PACS1: variants seen among roughly 807,000 people sequenced by gnomAD.
PACS1 encodes phosphofurin acidic cluster sorting protein 1.
A neutral mutation model predicts 115.0 loss-of-function variants in PACS1; 24 were observed. The observed-to-expected ratio is 0.21, with a 90% CI of 0.15 to 0.29. The LOEUF (loss-of-function observed/expected upper bound fraction) is 0.29, where lower values mean the gene tolerates loss of function less well. Among genes scored for constraint, PACS1 ranks in the 10% least tolerant of loss-of-function variants. The pLI is 1.00. For synonymous variants in PACS1, 453 were observed against 504.5 expected (o/e 0.90, Z 1.37); for missense variants, 838 against 1,251.2 (o/e 0.67, Z 4.98).
At chr11:66,087,840 A>G (rs1455739097) in intron 1 of PACS1, among the ~76,000 whole-genome samples, 1 of 152,166 alleles carries the variant, frequency 6.6e-6, no homozygotes, top group African/African-American at 2.4e-5. Context: ...TGGACAGTAT[A>G]TTCAGCTGAG....
At chr11:66,090,005 CAAAA>C (rs33912143) in intron 1 of PACS1, among the ~76,000 whole-genome samples, 1 of 80,596 alleles carries the variant, frequency 1.2e-5, no homozygotes, top group African/African-American at 5.1e-5. Context: ...GACTCCATCT[CAAAA>C]AAAAAAAAAA....
intron 7 of PACS1, chr11:66,217,189 G>A (rs955570580): frequency 1.1e-5 from 3 of 281,914 alleles, no homozygotes; most frequent in Admixed American, 9.7e-5. Flanking sequence ...AGAGATAATA[G>A]GCTAGTCATG....
chr11:66,130,753 C>A (rs898878889), intron 1 of PACS1, among the ~76,000 whole-genome samples: 2 of 152,246 alleles, frequency 1.3e-5, no homozygotes, highest in South Asian at 4.1e-4. Context: ...GTGACAGACA[C>A]CTTATTTGTT....
intron 1 of PACS1, among the ~76,000 whole-genome samples, chr11:66,071,983 C>T (rs982157226): frequency 2.0e-5 from 3 of 152,152 alleles, no homozygotes; most frequent in Admixed American, 2.0e-4. Context: ...TCTCAGGGTG[C>T]CCCTTCCTGA....
At chr11:66,217,766 C>A in intron 7 of PACS1, 1 of 377,288 alleles carries the variant, frequency 2.7e-6, no homozygotes, top group East Asian at 7.8e-5. Flanking sequence ...AAATGCTTGA[C>A]CTCCATTGCA....
chr11:66,130,533 A>C (rs1858675085), intron 1 of PACS1, among the ~76,000 whole-genome samples: 2 of 152,288 alleles, frequency 1.3e-5, no homozygotes, highest in Non-Finnish European at 2.9e-5. Flanking sequence ...GATGTGTTTA[A>C]TATGTATCCT....
At chr11:66,212,942 C>T (rs534661402) in intron 4 of PACS1, among the ~76,000 whole-genome samples, 4 of 152,268 alleles carry the variant, frequency 2.6e-5, no homozygotes, top group South Asian at 4.1e-4. Flanking sequence ...CTCTACCTCC[C>T]GGGTTCCAGC....
At chr11:66,079,446 A>G (rs772208963) in intron 1 of PACS1, among the ~76,000 whole-genome samples, 12 of 151,558 alleles carry the variant, frequency 7.9e-5, no homozygotes, top group Non-Finnish European at 1.8e-4. Flanking sequence ...TCTTGTTTAC[A>G]AACACCAAAT....
chr11:66,242,257 C>G (rs1444752934), intron 22 of PACS1, among the ~76,000 whole-genome samples: 1 of 152,206 alleles, frequency 6.6e-6, no homozygotes. Context: ...TGGGGACCCG[C>G]AACTGGTAGT....
intron 1 of PACS1, among the ~76,000 whole-genome samples, chr11:66,123,799 G>A (rs1858504946): frequency 6.6e-6 from 1 of 151,908 alleles, no homozygotes; most frequent in African/African-American, 2.4e-5. Flanking sequence ...GGGATTACAG[G>A]CGTGAGCCAC....
chr11:66,227,589 G>A lies in PACS1; in HGVS notation c.1374+5G>A. ...TTGACTGAAACAGACACTCTGGTAT[G>A]TATGGGTCAGTTTCCTGTTTCAGCT... On this transcript the variant is annotated splice_donor_5th_base_variant and intron_variant, in intron 11 of 23. Coordinates refer to ENST00000320580, the MANE Select transcript of PACS1 (RefSeq NM_018026.4). The A allele has an allele frequency of 1.3e-6, 2 of 1,570,626 alleles. No homozygotes were observed. The highest frequency in any genetic ancestry group is 1.7e-6 in the Non-Finnish European group (2 of 1,148,556).
intron 19 of PACS1, 44 bp from the exon 20 acceptor site, chr11:66,238,760 G>C (rs1255192728): frequency 6.5e-7 from 1 of 1,543,094 alleles, no homozygotes; most frequent in Non-Finnish European, 8.8e-7. Flanking sequence ...GAACATGCCT[G>C]CTTTAACAGG....
intron 1 of PACS1, among the ~76,000 whole-genome samples, chr11:66,081,930 T>C (rs1857487822): frequency 1.3e-5 from 2 of 152,238 alleles, no homozygotes; most frequent in African/African-American, 4.8e-5. Context: ...CATTCTACTT[T>C]TACAGGAGAA....
At chr11:66,231,659 G>A (rs1314512855) in intron 13 of PACS1, 1 of 168,640 alleles carries the variant, frequency 5.9e-6, no homozygotes, top group Non-Finnish European at 1.3e-5. Flanking sequence ...GACTAGAATA[G>A]CCCAGTGCCT....
chr11:66,224,321 A>C (rs936834871), intron 10 of PACS1, among the ~76,000 whole-genome samples: 1 of 151,798 alleles, frequency 6.6e-6, no homozygotes, highest in Non-Finnish European at 1.5e-5. Flanking sequence ...TCTTGACTCC[A>C]CCACTCCACT....
intron 1 of PACS1, among the ~76,000 whole-genome samples, chr11:66,156,006 A>T (rs1859344913): frequency 1.3e-5 from 2 of 151,862 alleles, no homozygotes; most frequent in African/African-American, 4.8e-5. Context: ...AAACCAGTGG[A>T]TAGTGACAAT....
chr11:66,128,926 G>A (rs55835736), intron 1 of PACS1, among the ~76,000 whole-genome samples: 24,428 of 151,416 alleles, frequency 0.16, 2,646 homozygotes, highest in Admixed American at 0.3. Context: ...GACAAAAGAC[G>A]GAGTAGTGGT....
chr11:66,072,533 T>TC (rs1400863798), intron 1 of PACS1, among the ~76,000 whole-genome samples: 1 of 152,122 alleles, frequency 6.6e-6, no homozygotes, highest in South Asian at 2.1e-4. Flanking sequence ...GTTTTTTTTT[T>TC]CTCTGTCCTT....
intron 1 of PACS1, among the ~76,000 whole-genome samples, chr11:66,154,141 G>A (rs941889353): frequency 1.3e-5 from 2 of 152,068 alleles, no homozygotes; most frequent in African/African-American, 4.8e-5. Context: ...TGATAACAGA[G>A]CTTCAAAATA....
Sources: gnomAD v4.1 joint callset for allele counts (sites outside exome capture counted in the v4.1 genomes callset) on GRCh38, gnomAD v4.1.1 for gene constraint, MANE v1.5 for transcripts, NCBI Gene and HGNC (gene_info 2026-07-23, HGNC 2026-07-21) for gene names.